Variants in RIMS1 observed in about 807,000 individuals in gnomAD.
The protein encoded by RIMS1 is regulating synaptic membrane exocytosis protein 1.
RIMS1 carries 83 observed loss-of-function variants against 214.1 expected under a neutral mutation model. The ratio of observed to expected loss-of-function variants is 0.39; its 90% CI spans 0.32 to 0.47. The LOEUF (loss-of-function observed/expected upper bound fraction) is 0.47. Among genes scored for constraint, RIMS1 ranks in the 20% least tolerant of loss-of-function variants. The probability of loss-of-function intolerance (pLI) is 0.99; values close to 1 mark genes in which losing one functional copy is unlikely to be tolerated. For synonymous variants in RIMS1, 793 were observed against 786.8 expected, an observed-to-expected ratio of 1.01 and a Z score of -0.13; for missense variants, 2,050 against 2,161.8, an observed-to-expected ratio of 0.95 and a Z score of 1.03.
At chr6:72,190,758 C>G (rs2049951826) in intron 6 of RIMS1, among the ~76,000 whole-genome samples, 1 of 152,164 alleles carries the variant, frequency 6.6e-6, no homozygotes, top group Non-Finnish European at 1.5e-5. Flanking sequence ...CACATATATG[C>G]CACTTCCATT....
intron 28 of RIMS1, among the ~76,000 whole-genome samples, chr6:72,321,481 A>G (rs1255792920): frequency 3.3e-5 from 5 of 152,100 alleles, no homozygotes. Context: ...CATTTATTAG[A>G]ACAAGTATGA....
At chr6:72,249,342 G>A (rs1013519365) in intron 12 of RIMS1, among the ~76,000 whole-genome samples, 4 of 152,238 alleles carry the variant, frequency 2.6e-5, no homozygotes, top group South Asian at 2.1e-4. Flanking sequence ...ATTTTAGTAC[G>A]TTACTTCCCC....
At chr6:72,071,507 C>T (rs1479298859) in intron 2 of RIMS1, among the ~76,000 whole-genome samples, 1 of 152,044 alleles carries the variant, frequency 6.6e-6, no homozygotes, top group Non-Finnish European at 1.5e-5. Flanking sequence ...TTAGATCTAG[C>T]AAGATAAAAT....
intron 22 of RIMS1, among the ~76,000 whole-genome samples, chr6:72,269,209 A>G (rs1322196501): frequency 6.6e-6 from 1 of 152,086 alleles, no homozygotes; most frequent in African/African-American, 2.4e-5. Context: ...TTGGCTCCCT[A>G]GTTGTTCAGC....
At chr6:71,957,093 G>A (rs1377124308) in intron 1 of RIMS1, among the ~76,000 whole-genome samples, 1 of 152,086 alleles carries the variant, frequency 6.6e-6, no homozygotes, top group Non-Finnish European at 1.5e-5. Context: ...ATTGGACCTA[G>A]AGTAAAAATA....
intron 2 of RIMS1, among the ~76,000 whole-genome samples, chr6:71,973,498 C>T (rs1004591568): frequency 5.9e-5 from 9 of 152,078 alleles, no homozygotes; most frequent in East Asian, 5.8e-4. Flanking sequence ...TCTTTGTGAA[C>T]GGCCTAATGC....
chr6:72,377,716 C>CAT (rs2098415482), intron 29 of RIMS1, among the ~76,000 whole-genome samples: 1 of 152,088 alleles, frequency 6.6e-6, no homozygotes. Context: ...TATATACAGA[C>CAT]ATATATTCAT....
chr6:72,275,142 A>ATG (rs1158251590), intron 23 of RIMS1, among the ~76,000 whole-genome samples: 10 of 6,792 alleles, frequency 1.5e-3, no homozygotes, highest in Non-Finnish European at 2.6e-3. Flanking sequence ...ATATATATAT[A>ATG]TATATATATA....
At chr6:72,038,952 A>G (rs1263320918) in intron 2 of RIMS1, among the ~76,000 whole-genome samples, 7 of 152,082 alleles carry the variant, frequency 4.6e-5, no homozygotes, top group Admixed American at 4.6e-4. Flanking sequence ...GTGTCTCCTG[A>G]TGTATTTACG....
chr6:72,384,289 A>G (rs1168875936), intron 29 of RIMS1, among the ~76,000 whole-genome samples: 1 of 152,126 alleles, frequency 6.6e-6, no homozygotes, highest in Non-Finnish European at 1.5e-5. Flanking sequence ...CAATCACAAC[A>G]AACCTTTACA....
Position 72,292,008 on chromosome 6 carries a change from T to A in RIMS1, c.3812T>A (p.Leu1271His). 6.4e-7 allele frequency: 1 copy of A among 1,561,228 alleles called. No homozygotes were observed. ...TSFSSRRGRQLPQVPVRSGSI... is the reference protein window; with the variant it reads ...TSFSSRRGRQHPQVPVRSGSI... ...TTCAGCAGTCGCAGGGGAAGACAGC[T>A]CCCACAAGTGCCAGTGAGAAGCGGC... The change falls in exon 26 of 34, where the codon CTC becomes CAC. Residue 1271 changes from leucine to histidine, a missense_variant. Around this residue, in one of 6 missense-constraint regions of RIMS1, gnomAD observed 889 missense variants for 885.5 expected, o/e 1.00. Coordinates refer to ENST00000521978, the MANE Select transcript of RIMS1 (RefSeq NM_014989.7).
intron 29 of RIMS1, among the ~76,000 whole-genome samples, chr6:72,343,492 C>CTTTTTTTTTTTTTTTTTTT (rs764125827): frequency 8.7e-5 from 5 of 57,298 alleles, no homozygotes; most frequent in Admixed American, 4.6e-4. Context: ...TCTTCTTCTT[C>CTTTTTTTTTTTTTTTTTTT]TTTTTTTTTT....
chr6:72,054,856 G>A (rs908981465), intron 2 of RIMS1, among the ~76,000 whole-genome samples: 8 of 152,014 alleles, frequency 5.3e-5, no homozygotes, highest in African/African-American at 1.9e-4. Flanking sequence ...TTGCAAAAAT[G>A]TTCTCCCGTT....
intron 1 of RIMS1, among the ~76,000 whole-genome samples, chr6:71,902,675 C>A (rs1454001227): frequency 2.0e-5 from 3 of 152,054 alleles, no homozygotes; most frequent in Non-Finnish European, 2.9e-5. Flanking sequence ...TCCTGATGCT[C>A]TCCCTCCCCT....
At chr6:72,200,895 GTGT>G (rs2051864230) in intron 6 of RIMS1, among the ~76,000 whole-genome samples, 2 of 143,230 alleles carry the variant, frequency 1.4e-5, no homozygotes, top group South Asian at 4.5e-4. Context: ...GTGTGTGTGT[GTGT>G]GGTCTGAGCT....
At chr6:72,212,207 A>G (rs934535966) in intron 6 of RIMS1, among the ~76,000 whole-genome samples, 1 of 151,984 alleles carries the variant, frequency 6.6e-6, no homozygotes, top group Admixed American at 6.6e-5. Context: ...AGATAAAAAT[A>G]TATAATTTTT....
At chr6:72,061,751 C>G (rs1259128403) in intron 2 of RIMS1, among the ~76,000 whole-genome samples, 1 of 152,236 alleles carries the variant, frequency 6.6e-6, no homozygotes, top group East Asian at 1.9e-4. Flanking sequence ...GTATTACATG[C>G]ATAAAGTTCG....
At chr6:72,392,552 G>C (rs1168717470) in intron 30 of RIMS1, 146 bp from the exon 31 acceptor site, 1 of 690,726 alleles carries the variant, frequency 1.4e-6, no homozygotes, top group African/African-American at 1.8e-5. Context: ...TTGGCTCAAA[G>C]GCAATGCAAA....
intron 6 of RIMS1, 31 bp downstream of exon 6, chr6:72,183,180 T>G: frequency 1.3e-6 from 2 of 1,576,686 alleles, no homozygotes; most frequent in Non-Finnish European, 1.7e-6. Context: ...GTGCGGGGAC[T>G]TCAGCCAAGT....
Sources: gnomAD v4.1 joint callset for allele counts (sites outside exome capture counted in the v4.1 genomes callset) on GRCh38, gnomAD v4.1.1 for gene constraint, gnomAD v4.1.1 regional missense constraint, MANE v1.5 for transcripts, NCBI Gene and HGNC (gene_info 2026-07-23, HGNC 2026-07-21) for gene names.